CFAP97: variants seen among roughly 807,000 people sequenced by gnomAD.
The protein encoded by CFAP97 is cilia and flagella associated protein 97, also known as cilia- and flagella-associated protein 97.
CFAP97 carries 36 observed loss-of-function variants against 43.1 expected under a neutral mutation model. The observed-to-expected ratio is 0.84, with a 90% CI of 0.64 to 1.10. The LOEUF (loss-of-function observed/expected upper bound fraction) is 1.10. CFAP97 is among the 50% of genes least tolerant of loss of function. The probability of loss-of-function intolerance (pLI) is 0.00; values close to 1 mark genes in which losing one functional copy is unlikely to be tolerated. For synonymous variants in CFAP97, 228 were observed against 225.7 expected (o/e 1.01, Z -0.09); for missense variants, 657 against 620.3 (o/e 1.06, Z -0.63).
intron 2 of CFAP97, among the ~76,000 whole-genome samples, chr4:185,176,292 T>C (rs1735540359): frequency 6.6e-6 from 1 of 151,962 alleles, no homozygotes; most frequent in Non-Finnish European, 1.5e-5. Context: ...TTTGTATTTT[T>C]AGTAGGGACA....
chr4:185,209,865 C>T, upstream of CFAP97: 2 of 983,414 alleles, frequency 2.0e-6, no homozygotes, highest in Non-Finnish European at 2.4e-6. The surrounding 1 kb of genome is among the most constrained non-coding windows in gnomAD (Gnocchi z 5.2). Flanking sequence ...GCGCCGGCCC[C>T]AGCCCCGCGC....
intron 2 of CFAP97, among the ~76,000 whole-genome samples, chr4:185,180,293 G>A (rs541145669): frequency 1.3e-4 from 20 of 152,114 alleles, no homozygotes; most frequent in East Asian, 3.9e-4. Context: ...AATTTACCAC[G>A]TTAACCATTT....
chr4:185,187,248 C>A (rs1337854559), intron 2 of CFAP97, among the ~76,000 whole-genome samples: 1 of 152,138 alleles, frequency 6.6e-6, no homozygotes, highest in Non-Finnish European at 1.5e-5. Context: ...TTTCCATGAA[C>A]ATATGAAATA....
At chr4:185,210,162 C>T, upstream of CFAP97, 1 of 984,342 alleles carries the variant, frequency 1.0e-6, no homozygotes, top group Non-Finnish European at 1.2e-6. This position sits in a 1 kb window ranked among gnomAD's most constrained non-coding sequence, Gnocchi z 4.4. Context: ...TCCTGTTTGC[C>T]CTCGTCTGCC....
upstream of CFAP97, chr4:185,209,645 C>T (rs1737406850): frequency 8.1e-6 from 6 of 736,778 alleles, no homozygotes; most frequent in Non-Finnish European, 1.0e-5. This position sits in a 1 kb window ranked among gnomAD's most constrained non-coding sequence, Gnocchi z 5.2. Context: ...CCGGCAGCTA[C>T]GGGCCCAGCG....
At chr4:185,209,585 C>T (rs1404593517), upstream of CFAP97, 41 of 307,326 alleles carry the variant, frequency 1.3e-4, no homozygotes, top group Non-Finnish European at 1.9e-4. The surrounding 1 kb of genome is among the most constrained non-coding windows in gnomAD (Gnocchi z 5.2). Context: ...CCGCGTCAGG[C>T]TGGCCAGGCT....
chr4:185,190,298 T>C lies in CFAP97; in HGVS notation c.899A>G (p.Asn300Ser), dbSNP rs1213047469. The C allele has an allele frequency of 1.2e-6, 2 of 1,608,368 alleles. No homozygotes were observed. Among genetic ancestry groups the C allele is most frequent in the Non-Finnish European group, 1.7e-6 (2 of 1,176,544 alleles). The change falls in exon 2 of 5, where the codon AAT becomes AGT. Residue 300 changes from asparagine (N) to serine (S), a missense_variant. By Grantham distance (46) the Asn-to-Ser change is conservative (BLOSUM62 1). Transcript: ENST00000458385. Reference protein sequence around the residue: ...EIYEDVEDLKNNSKYLKAAKK... With the variant: ...EIYEDVEDLKSNSKYLKAAKK... Reference sequence around the variant, plus strand: ...GGCTGCTTTCAAATATTTTGAATTATTTTTCAAATCCTCAACATCTTCATA... The same window carrying C: ...GGCTGCTTTCAAATATTTTGAATTACTTTTCAAATCCTCAACATCTTCATA...
intron 1 of CFAP97, among the ~76,000 whole-genome samples, chr4:185,203,445 A>G (rs1363750015): frequency 1.3e-5 from 2 of 152,216 alleles, no homozygotes; most frequent in Non-Finnish European, 2.9e-5. Flanking sequence ...AATTGGGTAC[A>G]TGAAAATCCC....
At chr4:185,184,395 T>C (rs958037073) in intron 2 of CFAP97, among the ~76,000 whole-genome samples, 2 of 152,172 alleles carry the variant, frequency 1.3e-5, no homozygotes, top group Admixed American at 6.5e-5. Flanking sequence ...GGTTCGGGAA[T>C]GGGAGCGTAA....
At chr4:185,181,193 T>C (rs935981220) in intron 2 of CFAP97, among the ~76,000 whole-genome samples, 5 of 151,164 alleles carry the variant, frequency 3.3e-5, no homozygotes, top group Admixed American at 6.6e-5. Context: ...CGAGAATTGC[T>C]TGAACCAGGA....
chr4:185,203,739 T>G (rs1380280454), intron 1 of CFAP97, 159 bp downstream of exon 1: 1 of 151,902 alleles, frequency 6.6e-6, no homozygotes, highest in Non-Finnish European at 1.5e-5. Context: ...GCCCCTGTCG[T>G]GGGGGCGCGG....
At chr4:185,164,270 T>C (rs1734985562) in intron 3 of CFAP97, 91 bp from the exon 4 acceptor site, 2 of 1,250,346 alleles carry the variant, frequency 1.6e-6, no homozygotes, top group African/African-American at 1.8e-5. Context: ...ATTCACTTTC[T>C]TTCTTTTTTT....
Position 185,162,729 on chromosome 4 carries a change from G to T in CFAP97, c.*69C>A. On this transcript the variant is annotated 3_prime_UTR_variant, in exon 5 of 5. Coordinates refer to ENST00000458385, the MANE Select transcript of CFAP97 (RefSeq NM_020827.3). ...ACGGTATTCTAGATGTTTACACAGA[G>T]AATTATAGGAATATGCACGAGCACT... is the stretch of plus-strand genomic sequence containing the variant. 1 of 1,497,660 alleles carries T rather than the reference G, an allele frequency of 6.7e-7. No homozygotes were observed. The highest frequency in any genetic ancestry group is 1.2e-5 in the South Asian group (1 of 84,118). 92.8% of individuals were successfully genotyped at this position (1,497,660 alleles called of 1,614,324 possible).
At chr4:185,166,271 A>G (rs1560853921) in intron 3 of CFAP97, among the ~76,000 whole-genome samples, 1 of 151,984 alleles carries the variant, frequency 6.6e-6, no homozygotes, top group Non-Finnish European at 1.5e-5. Context: ...AGGTGTCCAA[A>G]CCTCCTGAAA....
chr4:185,169,349 A>C (rs1411345627), intron 3 of CFAP97: 1 of 153,018 alleles, frequency 6.5e-6, no homozygotes, highest in African/African-American at 2.4e-5. Flanking sequence ...AGTTCTCATG[A>C]GATCTGAGTT....
chr4:185,200,618 G>T (rs1736777693), intron 1 of CFAP97, among the ~76,000 whole-genome samples: 1 of 151,558 alleles, frequency 6.6e-6, no homozygotes, highest in Admixed American at 6.6e-5. Context: ...ACTCCAGCGG[G>T]TGACAGAGTG....
At chr4:185,175,455 T>A (rs1374916780) in intron 3 of CFAP97, among the ~76,000 whole-genome samples, 2 of 152,076 alleles carry the variant, frequency 1.3e-5, no homozygotes, top group Non-Finnish European at 2.9e-5. Flanking sequence ...TCTGCATTTT[T>A]GGTAGAGCTG....
intron 3 of CFAP97, 53 bp downstream of exon 3, chr4:185,175,733 A>G (rs1735490053): frequency 6.5e-7 from 1 of 1,548,174 alleles, no homozygotes. Context: ...AGCTGGACAT[A>G]CAAATCAGTG....
chr4:185,190,067 C>A, intron 2 of CFAP97, 76 bp downstream of exon 2: 1 of 1,193,718 alleles, frequency 8.4e-7, no homozygotes, highest in Non-Finnish European at 1.1e-6. Flanking sequence ...TAGATCAATG[C>A]AAATTCATAG....
Sources: gnomAD v4.1 joint callset for allele counts (sites outside exome capture counted in the v4.1 genomes callset) on GRCh38, gnomAD v4.1.1 for gene constraint, Gnocchi (gnomAD v3.1) non-coding constraint, MANE v1.5 for transcripts, NCBI Gene and HGNC (gene_info 2026-07-23, HGNC 2026-07-21) for gene names.